Variants in NRG3 observed in about 807,000 individuals in gnomAD.
NRG3 encodes the protein neuregulin 3.
A neutral mutation model predicts 66.9 loss-of-function variants in NRG3; 31 were observed. The ratio of observed to expected loss-of-function variants is 0.46; its 90% CI spans 0.35 to 0.63. The LOEUF (loss-of-function observed/expected upper bound fraction) is 0.63. NRG3 is among the 20% of genes least tolerant of loss of function. The pLI is 0.00. For missense variants in NRG3, 910 were observed against 878.9 expected (o/e 1.04, Z -0.45); for synonymous variants, 393 against 359.4 (o/e 1.09, Z -1.06).
At chr10:82,024,735 C>A (rs371240985) in intron 1 of NRG3, among the ~76,000 whole-genome samples, 1 of 151,996 alleles carries the variant, frequency 6.6e-6, no homozygotes, top group East Asian at 1.9e-4. Flanking sequence ...TGAAAAAATG[C>A]GGAAAAGATT....
chr10:82,920,702 G>A (rs918747924), intron 4 of NRG3, among the ~76,000 whole-genome samples: 3 of 151,960 alleles, frequency 2.0e-5, no homozygotes, highest in Non-Finnish European at 4.4e-5. Context: ...CAGCTTGCCA[G>A]GAAATATAAA....
chr10:82,525,169 G>T (rs1167125280), intron 2 of NRG3, among the ~76,000 whole-genome samples: 2 of 151,926 alleles, frequency 1.3e-5, no homozygotes, highest in East Asian at 1.9e-4. Flanking sequence ...TAAAAAGTTT[G>T]TAAGGAATTA....
intron 1 of NRG3, among the ~76,000 whole-genome samples, chr10:81,900,949 A>G (rs979536529): frequency 6.6e-6 from 1 of 152,220 alleles, no homozygotes; most frequent in African/African-American, 2.4e-5. Context: ...ATTTTTCATA[A>G]GTATTTCAGT....
chr10:81,976,554 T>C (rs2060130247), intron 1 of NRG3, among the ~76,000 whole-genome samples: 1 of 152,232 alleles, frequency 6.6e-6, no homozygotes, highest in Non-Finnish European at 1.5e-5. Context: ...GAGATATTTT[T>C]CATCAATGGA....
intron 1 of NRG3, among the ~76,000 whole-genome samples, chr10:82,347,114 G>C (rs1178130404): frequency 6.7e-6 from 1 of 149,006 alleles, no homozygotes; most frequent in Non-Finnish European, 1.5e-5. Flanking sequence ...GCTAGCTTTT[G>C]AATGTGTTTG....
At chr10:82,378,052 A>G (rs7904133) in intron 2 of NRG3, among the ~76,000 whole-genome samples, 62,890 of 152,118 alleles carry the variant, frequency 0.41, 16,160 homozygotes, top group African/African-American at 0.73. Flanking sequence ...GTCACTAAGG[A>G]TAGGTGGAGG....
intron 2 of NRG3, among the ~76,000 whole-genome samples, chr10:82,433,957 T>A (rs1397802250): frequency 2.6e-5 from 4 of 152,176 alleles, no homozygotes; most frequent in African/African-American, 9.7e-5. Flanking sequence ...CATATGAAAT[T>A]TAACCTAGTT....
At chr10:82,046,191 T>C (rs1354712020) in intron 1 of NRG3, among the ~76,000 whole-genome samples, 2 of 148,782 alleles carry the variant, frequency 1.3e-5, no homozygotes, top group African/African-American at 4.9e-5. Flanking sequence ...TGATTCTTCT[T>C]ACCCATGAGC....
At chr10:82,286,819 C>T (rs2079444235) in intron 1 of NRG3, among the ~76,000 whole-genome samples, 1 of 152,160 alleles carries the variant, frequency 6.6e-6, no homozygotes, top group South Asian at 2.1e-4. Flanking sequence ...AACTCCTGAC[C>T]TCGTGATCTG....
At chr10:82,978,097 C>T (rs371186248) in intron 7 of NRG3, among the ~76,000 whole-genome samples, 161 of 152,248 alleles carry the variant, frequency 1.1e-3, no homozygotes, top group African/African-American at 3.4e-3. Flanking sequence ...AATGTCTACA[C>T]ATGAGCAAAG....
intron 1 of NRG3, among the ~76,000 whole-genome samples, chr10:82,104,399 G>A (rs1006519729): frequency 6.6e-6 from 1 of 152,134 alleles, no homozygotes; most frequent in African/African-American, 2.4e-5. Context: ...ACATATCAGA[G>A]GAAAAGAGAG....
At chr10:82,183,095 C>T (rs1471701799) in intron 1 of NRG3, among the ~76,000 whole-genome samples, 1 of 151,916 alleles carries the variant, frequency 6.6e-6, no homozygotes, top group East Asian at 1.9e-4. Flanking sequence ...TCAGTGTGGA[C>T]TTCCTTGGGT....
intron 1 of NRG3, among the ~76,000 whole-genome samples, chr10:81,930,973 A>G (rs1274742411): frequency 6.6e-6 from 1 of 152,202 alleles, no homozygotes; most frequent in Non-Finnish European, 1.5e-5. Flanking sequence ...GTGGGAGGCT[A>G]TAAAACAGGC....
chr10:82,903,145 T>A (rs771569494), intron 4 of NRG3, among the ~76,000 whole-genome samples: 1 of 152,088 alleles, frequency 6.6e-6, no homozygotes, highest in Non-Finnish European at 1.5e-5. Context: ...CATAAACAAA[T>A]GTAAAGATGT....
intron 2 of NRG3, among the ~76,000 whole-genome samples, chr10:82,411,763 C>A (rs936591778): frequency 6.6e-6 from 1 of 152,050 alleles, no homozygotes; most frequent in Non-Finnish European, 1.5e-5. Flanking sequence ...TGGCTTCTGA[C>A]AATTGTTTGG....
chr10:82,982,534 C>G (rs1269448399), intron 8 of NRG3, among the ~76,000 whole-genome samples: 1 of 152,086 alleles, frequency 6.6e-6, no homozygotes, highest in Non-Finnish European at 1.5e-5. Context: ...GCTGGAATAC[C>G]AGTGGTGAGA....
chr10:82,317,043 G>C (rs958348525), intron 1 of NRG3, among the ~76,000 whole-genome samples: 7 of 152,148 alleles, frequency 4.6e-5, no homozygotes, highest in East Asian at 1.9e-4. Flanking sequence ...ATTGTTGCCA[G>C]CTCCCAAAAT....
chr10:82,272,367 G>A (rs889571066), intron 1 of NRG3, among the ~76,000 whole-genome samples: 6 of 152,042 alleles, frequency 3.9e-5, no homozygotes, highest in Admixed American at 2.6e-4. Flanking sequence ...GGCTGGCTGC[G>A]CTGATCCTGG....
At chr10:82,926,856 G>T (rs1847052711) in intron 4 of NRG3, among the ~76,000 whole-genome samples, 1 of 152,212 alleles carries the variant, frequency 6.6e-6, no homozygotes, top group East Asian at 1.9e-4. Context: ...CAGTAGATCT[G>T]CCTTTGGATT....
Sources: gnomAD v4.1 joint callset for allele counts (sites outside exome capture counted in the v4.1 genomes callset) on GRCh38, gnomAD v4.1.1 for gene constraint, MANE v1.5 for transcripts, NCBI Gene and HGNC (gene_info 2026-07-23, HGNC 2026-07-21) for gene names.